The following PDE4B variants were observed in gnomAD, a reference collection of about 807,000 sequenced individuals.
The protein encoded by PDE4B is phosphodiesterase 4B, also known as 3',5'-cyclic-AMP phosphodiesterase 4B.
PDE4B carries 20 observed loss-of-function variants against 82.2 expected under a neutral mutation model. That is an observed-to-expected ratio of 0.24 (90% CI 0.17 to 0.35). The LOEUF (loss-of-function observed/expected upper bound fraction) is 0.35, where lower values mean the gene tolerates loss of function less well. PDE4B is among the 10% of genes least tolerant of loss of function. The pLI, the probability that PDE4B is intolerant of heterozygous loss-of-function variation, is 1.00. For missense variants in PDE4B, 655 were observed against 907.2 expected (o/e 0.72, Z 3.57); for synonymous variants, 320 against 318.9 (o/e 1.00, Z -0.04).
At chr1:65,804,310 G>A (rs1247467910) in intron 1 of PDE4B, among the ~76,000 whole-genome samples, 2 of 152,214 alleles carry the variant, frequency 1.3e-5, no homozygotes, top group African/African-American at 4.8e-5. Flanking sequence ...CAATGCTAAT[G>A]TGTGGGGTTC....
At chr1:65,956,402 T>C (rs772080632) in intron 3 of PDE4B, among the ~76,000 whole-genome samples, 20 of 152,224 alleles carry the variant, frequency 1.3e-4, no homozygotes, top group Non-Finnish European at 2.1e-4. Context: ...AAATCAATCT[T>C]TCCTCCATGT....
intron 3 of PDE4B, among the ~76,000 whole-genome samples, chr1:66,059,595 G>C (rs879122977): frequency 2.0e-5 from 3 of 152,172 alleles, no homozygotes; most frequent in Admixed American, 2.0e-4. Flanking sequence ...AGTTGGCAGA[G>C]AGCTTGTGCA....
At chr1:65,854,070 C>T (rs373687326) in intron 1 of PDE4B, among the ~76,000 whole-genome samples, 3 of 145,940 alleles carry the variant, frequency 2.1e-5, no homozygotes, top group African/African-American at 4.9e-5. Context: ...AGAAAGTTGG[C>T]AATATGCTTA....
chr1:66,057,190 A>G (rs1655348564), intron 3 of PDE4B, among the ~76,000 whole-genome samples: 1 of 152,174 alleles, frequency 6.6e-6, no homozygotes, highest in Non-Finnish European at 1.5e-5. Context: ...TTCAAAGGAT[A>G]TTTACTGAGC....
At chr1:65,830,220 T>A (rs6665675) in intron 1 of PDE4B, among the ~76,000 whole-genome samples, 1,731 of 152,156 alleles carry the variant, frequency 0.011, 35 homozygotes, top group African/African-American at 0.04. Context: ...TAAATACACG[T>A]GCATCTACAT....
intron 7 of PDE4B, among the ~76,000 whole-genome samples, chr1:66,287,358 C>G (rs916220858): frequency 2.0e-5 from 3 of 152,170 alleles, no homozygotes; most frequent in African/African-American, 4.8e-5. Flanking sequence ...AGGGCAAAGT[C>G]TGTTTAAACA....
chr1:66,294,686 A>AT (rs1013223568), intron 7 of PDE4B, among the ~76,000 whole-genome samples: 35 of 151,918 alleles, frequency 2.3e-4, no homozygotes, highest in South Asian at 8.3e-4. Flanking sequence ...TATATTAGCT[A>AT]TTTTTTTTAT....
chr1:65,942,559 G>T (rs974849454), intron 3 of PDE4B, among the ~76,000 whole-genome samples: 4 of 151,832 alleles, frequency 2.6e-5, no homozygotes, highest in Non-Finnish European at 5.9e-5. Flanking sequence ...TGAGATTTCT[G>T]GGTCATATGG....
chr1:66,207,455 G>A (rs1182671503), intron 3 of PDE4B, among the ~76,000 whole-genome samples: 1 of 152,128 alleles, frequency 6.6e-6, no homozygotes, highest in Non-Finnish European at 1.5e-5. Context: ...TTTCCCATCA[G>A]TTAAGACCAG....
chr1:66,197,848 A>G (rs1387935394), intron 3 of PDE4B, among the ~76,000 whole-genome samples: 4 of 152,214 alleles, frequency 2.6e-5, no homozygotes, highest in Admixed American at 2.0e-4. Context: ...GAGAGAAAAA[A>G]AAGAAGACCC....
At chr1:65,947,436 G>C (rs1190392035) in intron 3 of PDE4B, among the ~76,000 whole-genome samples, 1 of 151,902 alleles carries the variant, frequency 6.6e-6, no homozygotes. Context: ...AGACTTGGAG[G>C]GTGGCACTAA....
chr1:65,965,743 AACAT>A (rs1454469272), intron 3 of PDE4B, among the ~76,000 whole-genome samples: 2 of 152,126 alleles, frequency 1.3e-5, no homozygotes, highest in Non-Finnish European at 2.9e-5. Flanking sequence ...ACTCAACAAA[AACAT>A]GCATATTTTT....
intron 1 of PDE4B, among the ~76,000 whole-genome samples, chr1:65,890,887 CAGCTGCTGTGGTAGTT>C (rs1159848741): frequency 1.3e-5 from 2 of 151,952 alleles, no homozygotes; most frequent in Non-Finnish European, 2.9e-5. Flanking sequence ...TGAGATGAAA[CAGCTGCTGTGGTAGTT>C]AGGGGCATTG....
intron 3 of PDE4B, among the ~76,000 whole-genome samples, chr1:66,208,499 C>G (rs542808052): frequency 5.5e-4 from 83 of 152,268 alleles, no homozygotes; most frequent in African/African-American, 1.8e-3. Flanking sequence ...GGAATGATGC[C>G]TAAAGTAATT....
At chr1:66,097,536 A>G (rs1276772342) in intron 3 of PDE4B, among the ~76,000 whole-genome samples, 1 of 151,966 alleles carries the variant, frequency 6.6e-6, no homozygotes, top group Non-Finnish European at 1.5e-5. Flanking sequence ...CTTCAAATTT[A>G]CTTTTTTTTC....
In PDE4B at chr1:66,224,081, A is replaced by G. The variant is rs144960206; in HGVS notation, c.282-23379A>G. On this transcript the variant is annotated intron_variant, in intron 3 of 16. Transcript: ENST00000341517. Reference sequence around the variant, plus strand: ...CACCTTTTAGCTTACCAGTAACTCAACTGTCTCCAAAATCTTGATGTCAAG... The same window carrying G: ...CACCTTTTAGCTTACCAGTAACTCAGCTGTCTCCAAAATCTTGATGTCAAG... 2.3e-3 allele frequency among the ~76,000 whole-genome samples: 344 copies of G among 152,254 alleles called. 2 individuals carry two copies. Among genetic ancestry groups the G allele is most frequent in the African/African-American group, 8.0e-3 (332 of 41,532 alleles).
intron 3 of PDE4B, among the ~76,000 whole-genome samples, chr1:66,156,608 A>G (rs1646506264): frequency 6.6e-6 from 1 of 152,076 alleles, no homozygotes; most frequent in African/African-American, 2.4e-5. Context: ...AAAAACAAAC[A>G]AACCTGTATA....
intron 3 of PDE4B, among the ~76,000 whole-genome samples, chr1:66,150,325 C>T (rs1646365513): frequency 2.0e-5 from 3 of 151,996 alleles, no homozygotes; most frequent in Admixed American, 1.3e-4. Flanking sequence ...CTCTGAAGAT[C>T]GTTTTCACAT....
intron 1 of PDE4B, among the ~76,000 whole-genome samples, chr1:65,804,511 G>A (rs1645731541): frequency 6.6e-6 from 1 of 152,140 alleles, no homozygotes; most frequent in Admixed American, 6.5e-5. Context: ...TTAAATTCAG[G>A]CAAGTGTTTT....
Sources: allele counts gnomAD v4.1 joint callset (sites outside exome capture counted in the v4.1 genomes callset), GRCh38; gene constraint gnomAD v4.1.1; transcripts MANE v1.5; gene names NCBI Gene and HGNC (gene_info 2026-07-23, HGNC 2026-07-21).